The following CLINT1 variants were observed in gnomAD, a reference collection of about 807,000 sequenced individuals.
CLINT1 encodes the protein clathrin interactor 1.
CLINT1 carries 15 observed loss-of-function variants against 70.4 expected under a neutral mutation model. The ratio of observed to expected loss-of-function variants is 0.21; its 90% CI spans 0.14 to 0.33. The LOEUF is 0.33. Among genes scored for constraint, CLINT1 ranks in the 10% least tolerant of loss-of-function variants. The pLI is 1.00. For missense variants in CLINT1, 615 were observed against 778.1 expected, an observed-to-expected ratio of 0.79 and a Z score of 2.49; for synonymous variants, 227 against 254.7, an observed-to-expected ratio of 0.89 and a Z score of 1.04.
intron 1 of CLINT1, among the ~76,000 whole-genome samples, chr5:157,839,692 G>A (rs7726562): frequency 0.015 from 2,249 of 151,012 alleles, 55 homozygotes; most frequent in African/African-American, 0.051. Context: ...ATATCAAGAA[G>A]TTCTAGAAAT....
At position 157,831,605 on chromosome 5, in the gene CLINT1, T is replaced by C. The variant is rs564138184; in HGVS notation, c.42-14058A>G. Among the ~76,000 whole-genome samples the C allele has an allele frequency of 1.0e-3, 152 of 152,170 alleles. 1 individual carries two copies. The highest frequency in any genetic ancestry group is 3.6e-3 in the African/African-American group (150 of 41,528). On this transcript the variant is annotated intron_variant, in intron 1 of 11. Coordinates refer to ENST00000411809, the MANE Select transcript of CLINT1 (RefSeq NM_014666.4). The stretch of plus-strand genomic sequence containing the variant: ...TGGGTCCCCTCATAAAGAGGTAACA[T>C]TGTTCATAGGGGCCAATTAAATATG...
chr5:157,819,702 T>C (rs1257715582), intron 1 of CLINT1, among the ~76,000 whole-genome samples: 3 of 152,176 alleles, frequency 2.0e-5, no homozygotes, highest in African/African-American at 7.2e-5. Context: ...CAATAGCAAT[T>C]AGGATTATAA....
In CLINT1 at chr5:157,787,898, A is replaced by G; in HGVS notation, c.1626T>C (p.Asn542=). ...SNMLPVRPQT[N]ALIGGPMPMS... ...TAGGCATGGGTCCCCCTATCAAAGC[A>G]TTAGTTTGGGGCCGGACAGGAAGCA... The change falls in exon 12 of 12, where the codon AAT becomes AAC. Residue 542 remains asparagine (N), a synonymous_variant. Transcript: ENST00000411809. 1 of 1,613,768 alleles carries G rather than the reference A, an allele frequency of 6.2e-7. No homozygotes were observed. The highest frequency in any genetic ancestry group is 1.1e-5 in the South Asian group (1 of 91,060).
chr5:157,812,101 A>C (rs1475045629), intron 5 of CLINT1, among the ~76,000 whole-genome samples: 1 of 152,248 alleles, frequency 6.6e-6, no homozygotes, highest in Non-Finnish European at 1.5e-5. Flanking sequence ...TGTTAGAAAC[A>C]TCCTTAAACA....
chr5:157,835,850 T>A (rs1452565001), intron 1 of CLINT1, among the ~76,000 whole-genome samples: 2 of 152,196 alleles, frequency 1.3e-5, no homozygotes, highest in Non-Finnish European at 2.9e-5. Flanking sequence ...GCACAAGATT[T>A]CTGTGTCCCA....
At chr5:157,841,658 G>A (rs1436723219) in intron 1 of CLINT1, among the ~76,000 whole-genome samples, 1 of 152,016 alleles carries the variant, frequency 6.6e-6, no homozygotes, top group Non-Finnish European at 1.5e-5. Flanking sequence ...GTCTTGTTCT[G>A]TTGTCCAGGT....
chr5:157,830,782 CTCTCTCTCTCTCTCTATA>C (rs1561662831), intron 1 of CLINT1, among the ~76,000 whole-genome samples: 1 of 133,134 alleles, frequency 7.5e-6, no homozygotes, highest in African/African-American at 2.8e-5. Context: ...CTCTCTCTCT[CTCTCTCTCTCTCTCTATA>C]TATATATATA....
intron 6 of CLINT1, among the ~76,000 whole-genome samples, 163 bp from the exon 7 acceptor site, chr5:157,806,275 T>C (rs1446604391): frequency 2.0e-5 from 3 of 152,192 alleles, no homozygotes; most frequent in African/African-American, 4.8e-5. Flanking sequence ...GTCTGAATAA[T>C]GATATATGTG....
rs1176665233 is a variant in CLINT1 at position 157,829,881 on chromosome 5, C to T, written c.42-12334G>A. Among the ~76,000 whole-genome samples, 4 of 151,856 alleles carry T rather than the reference C, an allele frequency of 2.6e-5. No homozygotes were observed. In the East Asian group the frequency reaches 5.8e-4, roughly 22 times the overall value. ...TCTAAAACTTTTGTGACAACTTATC[C>T]TTTTCCTGGAACATCTTGTTAGTAT... On this transcript the variant is annotated intron_variant, in intron 1 of 11. Coordinates refer to ENST00000411809, the MANE Select transcript of CLINT1 (RefSeq NM_014666.4).
At chr5:157,815,012 G>A (rs1318648852) in intron 3 of CLINT1, among the ~76,000 whole-genome samples, 4 of 142,476 alleles carry the variant, frequency 2.8e-5, no homozygotes, top group Admixed American at 7.2e-5. Flanking sequence ...CAGCCTCGGC[G>A]ACAGAGAAAC....
intron 3 of CLINT1, among the ~76,000 whole-genome samples, chr5:157,816,533 T>A (rs796203472): frequency 1.6e-4 from 25 of 152,288 alleles, no homozygotes; most frequent in African/African-American, 5.5e-4. Context: ...TTAGAAGTAT[T>A]ATTAAGAATT....
intron 1 of CLINT1, among the ~76,000 whole-genome samples, chr5:157,825,609 C>T (rs184793418): frequency 2.6e-5 from 4 of 152,244 alleles, no homozygotes; most frequent in East Asian, 1.9e-4. Flanking sequence ...GCTGCCTGTT[C>T]GTATGAGATT....
intron 8 of CLINT1, chr5:157,795,206 CTGT>C (rs1762031189): frequency 2.2e-6 from 1 of 462,934 alleles, no homozygotes; most frequent in African/African-American, 2.0e-5. Flanking sequence ...GACACTGTAT[CTGT>C]TGTTAAAATT....
intron 11 of CLINT1, 80 bp downstream of exon 11, chr5:157,789,283 T>C: frequency 8.4e-7 from 1 of 1,183,974 alleles, no homozygotes; most frequent in African/African-American, 1.5e-5. Flanking sequence ...TATATTTTTA[T>C]TTATAGTTTG....
intron 1 of CLINT1, among the ~76,000 whole-genome samples, chr5:157,818,463 T>TC: frequency 2.4e-5 from 3 of 124,738 alleles, no homozygotes; most frequent in Admixed American, 1.7e-4. Context: ...TGAGACCTGG[T>TC]CTCTAAAAAA....
chr5:157,801,880 C>T (rs564702894), intron 8 of CLINT1, among the ~76,000 whole-genome samples: 68 of 151,014 alleles, frequency 4.5e-4, no homozygotes, highest in Non-Finnish European at 8.8e-4. Context: ...TAGACTTACA[C>T]TTAAAGGTTA....
chr5:157,832,965 G>T (rs1252848505), intron 1 of CLINT1, among the ~76,000 whole-genome samples: 1 of 152,130 alleles, frequency 6.6e-6, no homozygotes, highest in Non-Finnish European at 1.5e-5. Flanking sequence ...ACCAGACTAG[G>T]GCCAAAGAGA....
intron 1 of CLINT1, among the ~76,000 whole-genome samples, chr5:157,818,467 TAAAAAAAAAA>T (rs929415179): frequency 2.3e-5 from 2 of 88,336 alleles, no homozygotes; most frequent in African/African-American, 4.2e-5. Context: ...ACCTGGTCTC[TAAAAAAAAAA>T]AAAAAAAAAA....
intron 1 of CLINT1, among the ~76,000 whole-genome samples, chr5:157,830,792 CTCTCTATA>C (rs748258910): frequency 1.0e-3 from 122 of 116,474 alleles, no homozygotes; most frequent in Admixed American, 2.4e-3. Flanking sequence ...CTCTCTCTCT[CTCTCTATA>C]TATATATATA....
Sources: gnomAD v4.1 joint callset for allele counts (sites outside exome capture counted in the v4.1 genomes callset) on GRCh38, gnomAD v4.1.1 for gene constraint, MANE v1.5 for transcripts, NCBI Gene and HGNC (gene_info 2026-07-23, HGNC 2026-07-21) for gene names.